Variants in GRIK2 observed in about 807,000 individuals in gnomAD.
The protein encoded by GRIK2 is glutamate receptor ionotropic, kainate 2.
Under a neutral mutation model 100.3 loss-of-function variants are expected in GRIK2, and 32 were observed. That is an observed-to-expected ratio of 0.32 (90% CI 0.24 to 0.43). The LOEUF is 0.43. GRIK2 is among the 20% of genes least tolerant of loss of function. GRIK2 has a pLI of 1.00. For missense variants in GRIK2, 843 were observed against 1,114.9 expected (o/e 0.76, Z 3.47); for synonymous variants, 417 against 389.4 (o/e 1.07, Z -0.83).
intron 2 of GRIK2, among the ~76,000 whole-genome samples, chr6:101,593,896 T>G (rs991774068): frequency 6.6e-5 from 10 of 151,842 alleles, no homozygotes; most frequent in African/African-American, 2.2e-4. Flanking sequence ...CTATAAGTAT[T>G]TCTCTAAAAT....
chr6:101,475,723 G>A (rs1772193722), intron 2 of GRIK2, among the ~76,000 whole-genome samples: 1 of 151,828 alleles, frequency 6.6e-6, no homozygotes, highest in African/African-American at 2.4e-5. Context: ...CTATTGGGTA[G>A]CATACGAAAT....
chr6:101,556,352 T>G (rs1447626929), intron 2 of GRIK2, among the ~76,000 whole-genome samples: 1 of 117,408 alleles, frequency 8.5e-6, no homozygotes, highest in Admixed American at 9.6e-5. Context: ...TTTTTTTTTT[T>G]GAGACCGAGT....
intron 2 of GRIK2, among the ~76,000 whole-genome samples, chr6:101,532,732 A>T (rs1414242398): frequency 6.6e-6 from 1 of 151,764 alleles, no homozygotes; most frequent in Non-Finnish European, 1.5e-5. Context: ...ATGGAATCTT[A>T]AAAAGAATCT....
intron 2 of GRIK2, among the ~76,000 whole-genome samples, chr6:101,581,718 C>T (rs755150933): frequency 6.6e-6 from 1 of 152,074 alleles, no homozygotes; most frequent in Non-Finnish European, 1.5e-5. Flanking sequence ...ATGAAACACA[C>T]AAATATCTGT....
chr6:101,931,819 A>G (rs534721946), intron 14 of GRIK2, among the ~76,000 whole-genome samples: 10 of 152,240 alleles, frequency 6.6e-5, no homozygotes, highest in Non-Finnish European at 1.0e-4. Flanking sequence ...TATGTTCTTA[A>G]TCATATTTAG....
chr6:101,666,877 A>G (rs1003943778), intron 4 of GRIK2, among the ~76,000 whole-genome samples: 1 of 152,180 alleles, frequency 6.6e-6, no homozygotes, highest in Admixed American at 6.5e-5. Flanking sequence ...CCATCCTGGG[A>G]TCCAAAGGAA....
intron 1 of GRIK2, among the ~76,000 whole-genome samples, chr6:101,394,955 AG>A (rs1241738942): frequency 1.3e-5 from 2 of 152,234 alleles, no homozygotes; most frequent in Non-Finnish European, 2.9e-5. Context: ...TAAAAAAAAA[AG>A]TTCTGGGATA....
chr6:101,907,483 A>G (rs1258131159), intron 12 of GRIK2, among the ~76,000 whole-genome samples: 5 of 151,858 alleles, frequency 3.3e-5, no homozygotes, highest in South Asian at 2.1e-4. Context: ...ACAAGAATCC[A>G]TATTTAATCA....
intron 2 of GRIK2, among the ~76,000 whole-genome samples, chr6:101,428,989 A>G (rs1769224999): frequency 6.6e-6 from 1 of 152,224 alleles, no homozygotes; most frequent in African/African-American, 2.4e-5. Flanking sequence ...TGAAAAATTC[A>G]ATGACTTTTT....
chr6:101,645,297 A>G (rs566863238), intron 4 of GRIK2, among the ~76,000 whole-genome samples: 165 of 152,024 alleles, frequency 1.1e-3, no homozygotes, highest in African/African-American at 3.4e-3. Flanking sequence ...TAATTGTGAC[A>G]GATGTTTACT....
At chr6:102,058,594 A>T (rs1771588691) in intron 16 of GRIK2, among the ~76,000 whole-genome samples, 1 of 151,612 alleles carries the variant, frequency 6.6e-6, no homozygotes, top group Non-Finnish European at 1.5e-5. Context: ...TATATGATCT[A>T]TATGGCTGTT....
intron 2 of GRIK2, among the ~76,000 whole-genome samples, chr6:101,601,294 A>T (rs1779202067): frequency 6.6e-6 from 1 of 151,830 alleles, no homozygotes; most frequent in African/African-American, 2.4e-5. Flanking sequence ...TTACTTGAGC[A>T]TGGTGAATTA....
chr6:101,877,479 A>G (rs908824926), intron 11 of GRIK2, among the ~76,000 whole-genome samples: 2 of 152,002 alleles, frequency 1.3e-5, no homozygotes, highest in Non-Finnish European at 2.9e-5. Context: ...TGCAAATACT[A>G]TATACTTCAT....
intron 7 of GRIK2, among the ~76,000 whole-genome samples, chr6:101,701,422 G>A (rs1291355610): frequency 3.9e-5 from 6 of 151,936 alleles, no homozygotes; most frequent in Admixed American, 3.9e-4. Context: ...TTCTGGTTCC[G>A]GCTTTCAAGC....
At chr6:101,462,224 C>T (rs919139004) in intron 2 of GRIK2, among the ~76,000 whole-genome samples, 12 of 152,128 alleles carry the variant, frequency 7.9e-5, no homozygotes, top group Non-Finnish European at 1.3e-4. Flanking sequence ...CTGACTGCGC[C>T]GGTGTCCCTC....
chr6:101,614,851 G>A (rs1779824484), intron 2 of GRIK2, among the ~76,000 whole-genome samples: 1 of 151,780 alleles, frequency 6.6e-6, no homozygotes, highest in African/African-American at 2.4e-5. Flanking sequence ...TCAGAGGTTA[G>A]ATGTGACGTT....
intron 7 of GRIK2, among the ~76,000 whole-genome samples, chr6:101,758,541 T>C (rs1777282362): frequency 6.6e-6 from 1 of 152,174 alleles, no homozygotes; most frequent in South Asian, 2.1e-4. Flanking sequence ...TCTCTGCTGT[T>C]TGTTTAATTG....
At chr6:101,418,527 TG>T (rs1776263962) in intron 2 of GRIK2, among the ~76,000 whole-genome samples, 1 of 152,212 alleles carries the variant, frequency 6.6e-6, no homozygotes. Context: ...GATTGTCTTT[TG>T]TTTCTTCATT....
At chr6:101,578,398 AT>A (rs1414507177) in intron 2 of GRIK2, among the ~76,000 whole-genome samples, 1 of 152,154 alleles carries the variant, frequency 6.6e-6, no homozygotes, top group Non-Finnish European at 1.5e-5. Context: ...TTGAACTGAC[AT>A]TTCATTTTGT....
Sources: gnomAD v4.1 joint callset for allele counts (sites outside exome capture counted in the v4.1 genomes callset) on GRCh38, gnomAD v4.1.1 for gene constraint, MANE v1.5 for transcripts, NCBI Gene and HGNC (gene_info 2026-07-23, HGNC 2026-07-21) for gene names.